PDE7A: variants seen among roughly 807,000 people sequenced by gnomAD.
The protein encoded by PDE7A is phosphodiesterase 7A.
Under a neutral mutation model 64.3 loss-of-function variants are expected in PDE7A, and 39 were observed. The observed-to-expected ratio is 0.61, with a 90% CI of 0.47 to 0.79. The LOEUF (loss-of-function observed/expected upper bound fraction) is 0.79, where lower values mean the gene tolerates loss of function less well. Ranked by LOEUF, PDE7A falls within the 30% of genes least tolerant of loss-of-function variation. PDE7A has a pLI of 0.00. For synonymous variants in PDE7A, 203 were observed against 206.8 expected (o/e 0.98, Z 0.16); for missense variants, 470 against 582.8 (o/e 0.81, Z 1.99).
chr8:65,771,009 T>C (rs1372626274), intron 3 of PDE7A: 1 of 361,764 alleles, frequency 2.8e-6, no homozygotes, highest in East Asian at 1.0e-4. Flanking sequence ...CTACTGAAGA[T>C]AAATTTATAA....
chr8:65,744,594 A>G (rs1269399974), intron 5 of PDE7A, among the ~76,000 whole-genome samples: 1 of 152,190 alleles, frequency 6.6e-6, no homozygotes, highest in Admixed American at 6.5e-5. Context: ...AAGCGCTCTT[A>G]AAGAAGCTAC....
At chr8:65,774,319 A>ATAC (rs1809195891) in intron 3 of PDE7A, among the ~76,000 whole-genome samples, 2 of 151,560 alleles carry the variant, frequency 1.3e-5, no homozygotes, top group African/African-American at 4.9e-5. Context: ...TAGTGAGAAT[A>ATAC]TTATAAAAAG....
chr8:65,827,636 A>G (rs2043268551), intron 1 of PDE7A, among the ~76,000 whole-genome samples: 1 of 152,230 alleles, frequency 6.6e-6, no homozygotes, highest in African/African-American at 2.4e-5. Flanking sequence ...CAGTGGACCC[A>G]TAACATTATA....
intron 1 of PDE7A, among the ~76,000 whole-genome samples, chr8:65,820,493 C>T (rs1475605698): frequency 6.6e-6 from 1 of 152,022 alleles, no homozygotes; most frequent in African/African-American, 2.4e-5. Flanking sequence ...ATAGGAAATA[C>T]ATAAAAATAA....
At chr8:65,795,766 T>C (rs1021818541) in intron 1 of PDE7A, among the ~76,000 whole-genome samples, 5 of 151,990 alleles carry the variant, frequency 3.3e-5, no homozygotes, top group Non-Finnish European at 7.4e-5. Context: ...CTTTAAAAGA[T>C]GACAAATCAA....
chr8:65,742,821 A>G (rs980919571), intron 5 of PDE7A, among the ~76,000 whole-genome samples: 3 of 152,236 alleles, frequency 2.0e-5, no homozygotes, highest in African/African-American at 7.2e-5. Context: ...GCTAACCATG[A>G]GTGGTTTCTA....
intron 5 of PDE7A, among the ~76,000 whole-genome samples, chr8:65,740,067 G>GT (rs1185228659): frequency 1.3e-5 from 2 of 149,220 alleles, no homozygotes; most frequent in Non-Finnish European, 3.0e-5. Flanking sequence ...TCCATACAGG[G>GT]TTAGGAGGAG....
At chr8:65,818,075 T>A (rs1403791562) in intron 1 of PDE7A, among the ~76,000 whole-genome samples, 1 of 152,190 alleles carries the variant, frequency 6.6e-6, no homozygotes, top group African/African-American at 2.4e-5. Context: ...TTTAAAAAAA[T>A]AATTTCTATA....
chr8:65,734,156 C>T (rs1024825478), intron 7 of PDE7A, among the ~76,000 whole-genome samples: 4 of 152,192 alleles, frequency 2.6e-5, no homozygotes, highest in African/African-American at 9.7e-5. Context: ...AAGCCTTACC[C>T]CCAAAACTTG....
chr8:65,820,240 A>G (rs909974430), intron 1 of PDE7A, among the ~76,000 whole-genome samples: 2 of 152,198 alleles, frequency 1.3e-5, no homozygotes, highest in Non-Finnish European at 2.9e-5. Flanking sequence ...TACTAAAAAT[A>G]CAATAATTAG....
At chr8:65,815,620 G>C (rs1348146021) in intron 1 of PDE7A, among the ~76,000 whole-genome samples, 2 of 139,034 alleles carry the variant, frequency 1.4e-5, no homozygotes, top group African/African-American at 6.2e-5. Flanking sequence ...TGAAAGAATA[G>C]TCAGATGATT....
Position 65,785,636 on chromosome 8 carries a change from T to C in PDE7A, c.139-2793A>G, listed in dbSNP as rs550025544. Among the ~76,000 whole-genome samples, 30 of 152,274 alleles carry C rather than the reference T, an allele frequency of 2.0e-4. No individual in the cohort carries two copies. The South Asian group carries it at 6.2e-3, about 32-fold the overall frequency. On this transcript the variant is annotated intron_variant, in intron 1 of 12. Transcript: ENST00000401827. ...CAATCTAGGGGTAAACCTAGTAGCC[T>C]AGGAAGGGCATATGTGGCAATAAAT...
chr8:65,775,204 A>T (rs1282057743), intron 3 of PDE7A, among the ~76,000 whole-genome samples: 1 of 152,224 alleles, frequency 6.6e-6, no homozygotes, highest in East Asian at 1.9e-4. Context: ...CTAGCAACTT[A>T]TCTCTTTTAT....
At chr8:65,756,523 G>T (rs1212040659) in intron 3 of PDE7A, among the ~76,000 whole-genome samples, 1 of 151,916 alleles carries the variant, frequency 6.6e-6, no homozygotes, top group Non-Finnish European at 1.5e-5. Context: ...CTGCTCAAAG[G>T]TTTCAACAGC....
At chr8:65,823,883 G>A (rs775853588) in intron 1 of PDE7A, among the ~76,000 whole-genome samples, 2 of 151,952 alleles carry the variant, frequency 1.3e-5, no homozygotes, top group Non-Finnish European at 2.9e-5. Context: ...AGTACAAGTA[G>A]GACATTAAAA....
chr8:65,786,776 C>A (rs947774416), intron 1 of PDE7A, among the ~76,000 whole-genome samples: 3 of 152,202 alleles, frequency 2.0e-5, no homozygotes, highest in Non-Finnish European at 2.9e-5. Context: ...GGCTTCTACT[C>A]GTGACTTTTC....
intron 3 of PDE7A, among the ~76,000 whole-genome samples, chr8:65,772,785 C>G (rs558966832): frequency 5.2e-4 from 79 of 152,232 alleles, no homozygotes; most frequent in Non-Finnish European, 1.0e-3. Context: ...AGGCAGATCA[C>G]TTGAGGTCAG....
intron 1 of PDE7A, among the ~76,000 whole-genome samples, chr8:65,823,608 T>A (rs900358215): frequency 3.3e-5 from 5 of 152,106 alleles, no homozygotes; most frequent in African/African-American, 9.7e-5. Context: ...TAAAAATTTT[T>A]CCCTCCCATT....
At chr8:65,787,591 A>T (rs1488981921) in intron 1 of PDE7A, among the ~76,000 whole-genome samples, 1 of 152,160 alleles carries the variant, frequency 6.6e-6, no homozygotes, top group Non-Finnish European at 1.5e-5. Context: ...CAGTTTTTTT[A>T]AAAATAAAAT....
Sources: gnomAD v4.1 joint callset for allele counts (sites outside exome capture counted in the v4.1 genomes callset) on GRCh38, gnomAD v4.1.1 for gene constraint, MANE v1.5 for transcripts, NCBI Gene and HGNC (gene_info 2026-07-23, HGNC 2026-07-21) for gene names.